The following TWIST2 variants were observed in gnomAD, a reference collection of about 807,000 sequenced individuals.
The protein encoded by TWIST2 is twist-related protein 2.
TWIST2 carries 1 observed loss-of-function variant against 11.6 expected under a neutral mutation model. The observed-to-expected ratio is 0.09, with a 90% CI of 0.03 to 0.41. The LOEUF (loss-of-function observed/expected upper bound fraction) is 0.41. TWIST2 is among the 10% of genes least tolerant of loss of function. The pLI is 0.98. For missense variants in TWIST2, 168 were observed against 226.4 expected, an observed-to-expected ratio of 0.74 and a Z score of 1.66; for synonymous variants, 87 against 96.6, an observed-to-expected ratio of 0.90 and a Z score of 0.58.
chr2:238,891,742 G>A (rs572059165), intron 1 of TWIST2, among the ~76,000 whole-genome samples: 2 of 152,332 alleles, frequency 1.3e-5, no homozygotes, highest in Non-Finnish European at 2.9e-5. Context: ...GGAAGGCAGA[G>A]GCGTGCACAT....
At chr2:238,880,229 A>G (rs1574760181) in intron 1 of TWIST2, among the ~76,000 whole-genome samples, 1 of 151,648 alleles carries the variant, frequency 6.6e-6, no homozygotes, top group Non-Finnish European at 1.5e-5. Context: ...TAGTGTTAGT[A>G]TTTATTAGTA....
At chr2:238,859,798 C>A (rs1198751054) in intron 1 of TWIST2, among the ~76,000 whole-genome samples, 1 of 152,148 alleles carries the variant, frequency 6.6e-6, no homozygotes, top group Non-Finnish European at 1.5e-5. Flanking sequence ...CACACACATG[C>A]ATGCACGCAC....
chr2:238,906,354 G>A (rs1009699211), intron 1 of TWIST2, among the ~76,000 whole-genome samples: 5 of 147,420 alleles, frequency 3.4e-5, no homozygotes, highest in African/African-American at 1.3e-4. Context: ...ACTGACACAC[G>A]GACCCACTCA....
chr2:238,908,355 C>CT (rs1212926299), intron 1 of TWIST2, among the ~76,000 whole-genome samples: 7 of 150,116 alleles, frequency 4.7e-5, no homozygotes, highest in African/African-American at 1.7e-4. Flanking sequence ...CACACCACAC[C>CT]CCACATACAC....
At chr2:238,884,874 C>G (rs989484474) in intron 1 of TWIST2, among the ~76,000 whole-genome samples, 1 of 152,212 alleles carries the variant, frequency 6.6e-6, no homozygotes, top group Non-Finnish European at 1.5e-5. Context: ...GCTGCGCACA[C>G]CCAGTTGACT....
Position 238,864,159 on chromosome 2 carries a change from T to C in TWIST2, c.*35+15426T>C, listed in dbSNP as rs1231905510. 1.3e-5 allele frequency among the ~76,000 whole-genome samples: 2 copies of C among 151,944 alleles called. No homozygotes were observed. The highest frequency in any genetic ancestry group is 2.9e-5 in the Non-Finnish European group (2 of 67,992). On this transcript the variant is annotated intron_variant, in intron 1 of 1. Transcript: ENST00000612363. This position sits in a 1 kb window ranked among gnomAD's most constrained non-coding sequence, Gnocchi z 4.7. The stretch of plus-strand genomic sequence containing the variant: ...CTTTTCGGAGAGATGACTGAAATAT[T>C]TGTAAGTTTCCATCAGCATGGGGGG...
chr2:238,870,043 T>C (rs371477637), intron 1 of TWIST2, among the ~76,000 whole-genome samples: 2 of 140,256 alleles, frequency 1.4e-5, no homozygotes, highest in East Asian at 4.2e-4. Context: ...TAGAAGACAG[T>C]ACGGAGGGTC....
chr2:238,860,293 G>A (rs1236613442), intron 1 of TWIST2, among the ~76,000 whole-genome samples: 11 of 152,222 alleles, frequency 7.2e-5, no homozygotes, highest in Admixed American at 7.2e-4. Context: ...CACCAGTTGT[G>A]TGTTTTCCTT....
intron 1 of TWIST2, among the ~76,000 whole-genome samples, chr2:238,849,453 C>T (rs1574743053): frequency 1.3e-5 from 2 of 152,306 alleles, no homozygotes; most frequent in East Asian, 1.9e-4. Flanking sequence ...CTGAGGCAGG[C>T]GGGTCCGACG....
intron 1 of TWIST2, among the ~76,000 whole-genome samples, chr2:238,905,459 A>G (rs1190123679): frequency 6.6e-6 from 1 of 152,136 alleles, no homozygotes; most frequent in Non-Finnish European, 1.5e-5. Flanking sequence ...TCAGGGTGAC[A>G]TCAAGGGGGC....
chr2:238,855,194 C>T (rs1054901768), intron 1 of TWIST2, among the ~76,000 whole-genome samples: 4 of 152,174 alleles, frequency 2.6e-5, no homozygotes, highest in African/African-American at 9.7e-5. Context: ...CTCAGGGAGA[C>T]TGTTTTGTCT....
intron 1 of TWIST2, among the ~76,000 whole-genome samples, chr2:238,884,612 C>G (rs1478091358): frequency 6.6e-6 from 1 of 152,224 alleles, no homozygotes. Context: ...CACCTTCACA[C>G]CTGCCAGGGG....
At chr2:238,896,293 G>T (rs1376510587) in intron 1 of TWIST2, among the ~76,000 whole-genome samples, 1 of 152,354 alleles carries the variant, frequency 6.6e-6, no homozygotes, top group East Asian at 1.9e-4. Flanking sequence ...AGACAGGGAT[G>T]CAGAAAGCAC....
At chr2:238,897,329 G>A (rs1304495026) in intron 1 of TWIST2, among the ~76,000 whole-genome samples, 1 of 152,116 alleles carries the variant, frequency 6.6e-6, no homozygotes, top group Admixed American at 6.6e-5. Context: ...CTGCCCCTGT[G>A]TCCCCCAAGC....
intron 1 of TWIST2, among the ~76,000 whole-genome samples, chr2:238,855,506 C>T (rs968058970): frequency 7.9e-5 from 12 of 152,286 alleles, no homozygotes; most frequent in South Asian, 2.1e-4. Context: ...AATCTGCATG[C>T]GTAGATGGGA....
At position 238,853,448 on chromosome 2, in the gene TWIST2, GGAGAGAGAGA is replaced by G. The variant is rs375821278; in HGVS notation, c.*35+4738_*35+4747del. On this transcript the variant is annotated intron_variant, in intron 1 of 1. Transcript: ENST00000612363. ...GAGAGAGAAGGAGAGAGGGAGAGAT[GGAGAGAGAGA>G]GAGAGAGAGAGAGAGAGAGAGAAAC... Among the ~76,000 whole-genome samples, 8 of 130,700 alleles carry G rather than the reference GGAGAGAGAGA, an allele frequency of 6.1e-5. No individual in the cohort carries two copies. In the East Asian group the frequency reaches 9.0e-4, roughly 15 times the overall value. The allele number at this position is 130,700 out of a possible 152,430, so 85.7% of individuals were successfully genotyped here. A position where few individuals can be genotyped will look rare whatever the true frequency, so the allele number is the denominator to read the frequency against.
chr2:238,898,736 A>T (rs1413988073), intron 1 of TWIST2, among the ~76,000 whole-genome samples: 1 of 152,224 alleles, frequency 6.6e-6, no homozygotes, highest in African/African-American at 2.4e-5. Context: ...CCTCGTGCTA[A>T]GGGCTTTGAG....
chr2:238,903,285 T>C (rs1693301059), intron 1 of TWIST2, among the ~76,000 whole-genome samples: 2 of 149,416 alleles, frequency 1.3e-5, no homozygotes, highest in South Asian at 4.3e-4. Flanking sequence ...GTGTGTCTAA[T>C]GTGAGGTGTG....
intron 1 of TWIST2, among the ~76,000 whole-genome samples, chr2:238,884,293 C>T (rs2106366387): frequency 6.6e-6 from 1 of 152,236 alleles, no homozygotes; most frequent in East Asian, 1.9e-4. Flanking sequence ...TGAGTCAGGG[C>T]TCTCCACCTT....
Sources: gnomAD v4.1 joint callset for allele counts (sites outside exome capture counted in the v4.1 genomes callset) on GRCh38, gnomAD v4.1.1 for gene constraint, Gnocchi (gnomAD v3.1) non-coding constraint, MANE v1.5 for transcripts, NCBI Gene and HGNC (gene_info 2026-07-23, HGNC 2026-07-21) for gene names.